POLR3C: variants seen among roughly 807,000 people sequenced by gnomAD.
POLR3C encodes the protein RNA polymerase III subunit C, also known as DNA-directed RNA polymerase III subunit RPC3.
A neutral mutation model predicts 65.9 loss-of-function variants in POLR3C; 44 were observed. The observed-to-expected ratio is 0.67, with a 90% CI of 0.52 to 0.86. POLR3C has a LOEUF of 0.86. Ranked by LOEUF, POLR3C falls within the 40% of genes least tolerant of loss-of-function variation. The probability of loss-of-function intolerance (pLI) is 0.00; values close to 1 mark genes in which losing one functional copy is unlikely to be tolerated. For synonymous variants in POLR3C, 263 were observed against 231.6 expected (o/e 1.14, Z -1.23); for missense variants, 576 against 653.2 (o/e 0.88, Z 1.29).
At chr1:145,837,180 T>C (rs1174448207) in intron 9 of POLR3C, among the ~76,000 whole-genome samples, 3 of 152,038 alleles carry the variant, frequency 2.0e-5, no homozygotes, top group South Asian at 4.1e-4. Flanking sequence ...TAACGATGCA[T>C]GCTTGTAGTC....
intron 5 of POLR3C, among the ~76,000 whole-genome samples, chr1:145,830,791 T>TC (rs1651241269): frequency 7.5e-6 from 1 of 132,478 alleles, no homozygotes; most frequent in Admixed American, 8.1e-5. Context: ...AGAGCAAGAC[T>TC]CCATCTCAAA....
intron 1 of POLR3C, among the ~76,000 whole-genome samples, chr1:145,824,774 C>G (rs1314290378): frequency 1.3e-5 from 2 of 152,150 alleles, no homozygotes; most frequent in Admixed American, 6.5e-5. Flanking sequence ...TTGACACACC[C>G]TGTTGAGAAG....
In POLR3C at chr1:145,825,902, C is replaced by T. The variant is rs782537517; in HGVS notation, c.126C>T (p.Asp42=). 5.6e-6 allele frequency: 9 copies of T among 1,613,118 alleles called. No individual in the cohort carries two copies. In the African/African-American group the frequency reaches 1.2e-4, roughly 22 times the overall value. Residue 42 remains aspartate (D), a synonymous_variant, in exon 2 of 15, where the codon GAC becomes GAT. Coordinates refer to ENST00000334163, the MANE Select transcript of POLR3C (RefSeq NM_006468.8). ...AGCCACTAAGAGTAATTGCCCATGA[C>T]ACAGGAACATCACTGGATCAGGTAT... ...GSQPLRVIAH[D]TGTSLDQVKK... is the part of the protein sequence containing the mutation.
At chr1:145,826,198 C>G (rs1650726459) in intron 2 of POLR3C, among the ~76,000 whole-genome samples, 1 of 152,134 alleles carries the variant, frequency 6.6e-6, no homozygotes, top group East Asian at 1.9e-4. Flanking sequence ...TCAGTACTGC[C>G]TTTAAGGAAT....
At chr1:145,838,017 T>C in intron 10 of POLR3C, 39 bp from the exon 11 acceptor site, 2 of 1,601,502 alleles carry the variant, frequency 1.2e-6, no homozygotes, top group Non-Finnish European at 1.7e-6. Context: ...AAAGCTGATC[T>C]ATGTTAGCAT....
At position 145,840,139 on chromosome 1, in the gene POLR3C, G is replaced by A; in HGVS notation, c.1347G>A (p.Arg449=). ...AGAGCATAGCCAACTTGATAGAAAGGAGGCAATTTGAAACCAAAGAGAATA... is the reference window on the plus strand; with the variant it reads ...AGAGCATAGCCAACTTGATAGAAAGAAGGCAATTTGAAACCAAAGAGAATA... The part of the protein sequence containing the change: ...CYKSIANLIE[R]RQFETKENKR... The change falls in exon 13 of 15, where the codon AGG becomes AGA. Residue 449 remains arginine (R), a synonymous_variant. Transcript: ENST00000334163. 6.2e-7 allele frequency: 1 copy of A among 1,604,552 alleles called. No homozygotes were observed. Among genetic ancestry groups the A allele is most frequent in the Non-Finnish European group, 8.5e-7 (1 of 1,171,244 alleles).
At chr1:145,828,566 A>G (rs1650983855) in intron 4 of POLR3C, among the ~76,000 whole-genome samples, 183 bp from the exon 5 acceptor site, 1 of 152,176 alleles carries the variant, frequency 6.6e-6, no homozygotes, top group South Asian at 2.1e-4. Flanking sequence ...CTTTTTGAAC[A>G]TGTTGAGTTT....
At chr1:145,834,318 G>T (rs1280817072) in intron 7 of POLR3C, among the ~76,000 whole-genome samples, 2 of 152,022 alleles carry the variant, frequency 1.3e-5, no homozygotes, top group African/African-American at 4.8e-5. Flanking sequence ...TGAATGAATG[G>T]CAGATTAATG....
At chr1:145,828,715 A>G (rs782647475) in intron 4 of POLR3C, 34 bp from the exon 5 acceptor site, 3 of 1,344,932 alleles carry the variant, frequency 2.2e-6, no homozygotes, top group Non-Finnish European at 2.1e-6. Context: ...ATCATATGAG[A>G]TATAGTCTAA....
At chr1:145,838,492 G>A (rs1185216691) in intron 11 of POLR3C, among the ~76,000 whole-genome samples, 4 of 152,070 alleles carry the variant, frequency 2.6e-5, no homozygotes, top group African/African-American at 9.7e-5. Context: ...GACCAGCCTG[G>A]CCAACATGGT....
chr1:145,836,838 C>T lies in POLR3C; in HGVS notation c.981C>T (p.Gly327=), dbSNP rs554555809. Residue 327 remains glycine, a synonymous_variant, in exon 9 of 15, where the codon GGC becomes GGT. Transcript: ENST00000334163. ...AGCTAGAGTTTGTTGGAAAGTCTGG[C>T]GACAGTGGTGGAGGAATGTATGTCA... ...DDPLEFVGKS[G]DSGGGMYVIN... 53 of 1,594,562 alleles carry T rather than the reference C, an allele frequency of 3.3e-5. No homozygotes were observed. Among genetic ancestry groups the T allele is most frequent in the Admixed American group, 1.2e-4 (7 of 59,382 alleles).
At chr1:145,838,304 A>G (rs1192904688) in intron 11 of POLR3C, 98 bp downstream of exon 11, 9 of 907,760 alleles carry the variant, frequency 9.9e-6, no homozygotes, top group South Asian at 4.7e-5. Context: ...AGCAAACTCT[A>G]TATCCAGCTC....
intron 2 of POLR3C, 146 bp downstream of exon 2, chr1:145,826,069 G>A: frequency 1.5e-6 from 1 of 684,270 alleles, no homozygotes; most frequent in Admixed American, 2.9e-5. Flanking sequence ...GGGAGAAAAG[G>A]ATGAGACTTA....
chr1:145,838,249 GC>G (rs1399903252), intron 11 of POLR3C, 43 bp downstream of exon 11: 1 of 1,569,046 alleles, frequency 6.4e-7, no homozygotes, highest in Non-Finnish European at 8.8e-7. Flanking sequence ...AGCAAAGCTG[GC>G]CTAGGGTGAG....
chr1:145,826,282 A>G (rs1553725706), intron 2 of POLR3C, among the ~76,000 whole-genome samples, 172 bp from the exon 3 acceptor site: 1 of 152,228 alleles, frequency 6.6e-6, no homozygotes, highest in Admixed American at 6.5e-5. Flanking sequence ...TTCCTGATTT[A>G]TTGTATTGAT....
intron 5 of POLR3C, 54 bp downstream of exon 5, chr1:145,828,891 A>G: frequency 5.4e-6 from 5 of 928,294 alleles, no homozygotes; most frequent in South Asian, 1.3e-5. Flanking sequence ...CAGAAAGAGC[A>G]CTCAGATAAC....
In POLR3C at chr1:145,828,817, T is replaced by TA; in HGVS notation, c.659dup (p.Tyr220Ter). Residue 220 changes from tyrosine (Y) to a stop codon, truncating the protein, a stop_gained and frameshift_variant, in exon 5 of 15, where the codon TAT (tyrosine) becomes TAAT (stop). Transcript: ENST00000334163. LOFTEE classifies it high-confidence loss of function. ...AGEPKAKRPK[Y>*]TTDNKEPIPD... ...GGAGCCCAAGGCCAAGAGACCAAAA[T>TA]ATACTACAGATAACAAGGAGGTAAT... is the stretch of plus-strand genomic sequence containing the variant. The TA allele has an allele frequency of 6.3e-7, 1 of 1,589,250 alleles. No homozygotes were observed. Among genetic ancestry groups the TA allele is most frequent in the Middle Eastern group, 1.7e-4 (1 of 6,024 alleles).
intron 1 of POLR3C, among the ~76,000 whole-genome samples, chr1:145,824,802 A>G (rs1395895384): frequency 6.6e-6 from 1 of 152,068 alleles, no homozygotes; most frequent in African/African-American, 2.4e-5. Context: ...TTACCTCCTA[A>G]ATTTCTTTTT....
chr1:145,824,293 A>G lies in POLR3C; in HGVS notation c.-97A>G, dbSNP rs1650507822. ...GGGCTCCACCTCGGCCTAGAAGGCC[A>G]GCGGGAGCCGTAGGAAGCCGTCGCG... On this transcript the variant is annotated 5_prime_UTR_variant, in exon 1 of 15. Coordinates refer to ENST00000334163, the MANE Select transcript of POLR3C (RefSeq NM_006468.8). 3.9e-5 allele frequency: 12 copies of G among 310,342 alleles called. No homozygotes were observed. The highest frequency in any genetic ancestry group is 3.0e-4 in the South Asian group (12 of 39,776). 19.2% of individuals were successfully genotyped at this position (310,342 alleles called of 1,614,324 possible). A position where few individuals can be genotyped will look rare whatever the true frequency, so the allele number is the denominator to read the frequency against.
Sources: allele counts gnomAD v4.1 joint callset (sites outside exome capture counted in the v4.1 genomes callset), GRCh38; gene constraint gnomAD v4.1.1; transcripts MANE v1.5; gene names NCBI Gene and HGNC (gene_info 2026-07-23, HGNC 2026-07-21).